The following MYO16 variants were observed in gnomAD, a reference collection of about 807,000 sequenced individuals.
MYO16 encodes unconventional myosin-XVI.
A neutral mutation model predicts 205.3 loss-of-function variants in MYO16; 94 were observed. That is an observed-to-expected ratio of 0.46 (90% confidence interval 0.39 to 0.54). MYO16 has a LOEUF of 0.54. MYO16 is among the 20% of genes least tolerant of loss of function. The pLI, the probability that MYO16 is intolerant of heterozygous loss-of-function variation, is 0.00. For synonymous variants in MYO16, 988 were observed against 954.0 expected (o/e 1.04, Z -0.66); for missense variants, 2,315 against 2,387.5 (o/e 0.97, Z 0.63).
chr13:108,661,999 C>A (rs570766554), intron 1 of MYO16, among the ~76,000 whole-genome samples: 8 of 152,292 alleles, frequency 5.3e-5, no homozygotes, highest in African/African-American at 1.9e-4. Flanking sequence ...GTACTCTCCC[C>A]ATTTTCCTAT....
rs922640184 is a variant in MYO16 at position 108,892,466 on chromosome 13, C to T, written c.1659+3989C>T. On this transcript the variant is annotated intron_variant, in intron 14 of 34. Transcript: ENST00000457511. ...ATGTTGGCCAGGCTGGTCTTGAACT[C>T]CTGACCTCAAGTGATCTACCCACCT... 7.2e-5 allele frequency among the ~76,000 whole-genome samples: 11 copies of T among 152,140 alleles called. No individual in the cohort carries two copies. In the East Asian group the frequency reaches 2.1e-3, roughly 29 times the overall value.
chr13:108,844,077 A>G (rs1463149444), intron 9 of MYO16, among the ~76,000 whole-genome samples: 2 of 152,194 alleles, frequency 1.3e-5, no homozygotes, highest in Non-Finnish European at 2.9e-5. Flanking sequence ...TTCATCTATT[A>G]TAGTCAGATA....
intron 27 of MYO16, among the ~76,000 whole-genome samples, chr13:109,068,609 A>G (rs1451396221): frequency 4.0e-5 from 3 of 75,108 alleles, no homozygotes; most frequent in Admixed American, 1.6e-4. Flanking sequence ...TTTTTTTTTG[A>G]GGTGGAGTTT....
the MYO16 span, among the ~76,000 whole-genome samples, chr13:108,571,115 A>G: frequency 1.8e-3 from 280 of 152,338 alleles, no homozygotes; most frequent in African/African-American, 6.6e-3. Context: ...GAAGTCAAGC[A>G]GTTTGTTCTG....
intron 6 of MYO16, among the ~76,000 whole-genome samples, chr13:108,794,992 A>C (rs1886740531): frequency 6.6e-6 from 1 of 152,122 alleles, no homozygotes; most frequent in African/African-American, 2.4e-5. Context: ...TACATTTATT[A>C]AATTTTTGCA....
At chr13:108,574,482 T>C in the MYO16 span, among the ~76,000 whole-genome samples, 16 of 152,314 alleles carry the variant, frequency 1.1e-4, no homozygotes, top group Non-Finnish European at 2.4e-4. Context: ...TAGAACCCAT[T>C]AAACATGCTC....
rs1298856580 is a variant in MYO16 at position 109,206,992 on chromosome 13, GTGTGTGTGTGTGTT to G, written c.*170_*183del. 6.6e-5 allele frequency: 39 copies of G among 592,586 alleles called. No homozygotes were observed. Among genetic ancestry groups the G allele is most frequent in the Middle Eastern group, 4.4e-4 (1 of 2,284 alleles). The allele number at this position is 592,586 out of a possible 1,614,324, so 36.7% of individuals were successfully genotyped here. A position where few individuals can be genotyped will look rare whatever the true frequency, so the allele number is the denominator to read the frequency against. On this transcript the variant is annotated 3_prime_UTR_variant, in exon 35 of 35. Coordinates refer to ENST00000457511, the MANE Select transcript of MYO16 (RefSeq NM_001198950.3). ...ACACTAAATATATGAGATCCCGTGT[GTGTGTGTGTGTGTT>G]TGTGTGTGTGTGTGTGGGTTCTTTC...
chr13:108,641,815 G>C (rs564972580), intron 1 of MYO16, among the ~76,000 whole-genome samples: 1 of 152,186 alleles, frequency 6.6e-6, no homozygotes, highest in Non-Finnish European at 1.5e-5. Flanking sequence ...GATACCTAAA[G>C]CACATCACCT....
intron 20 of MYO16, among the ~76,000 whole-genome samples, chr13:108,980,502 G>A (rs373106360): frequency 3.3e-5 from 5 of 152,216 alleles, no homozygotes; most frequent in East Asian, 1.9e-4. Context: ...CTGCAGTGCC[G>A]TACAGAAAGG....
rs1876180718 is a variant in MYO16 at position 109,125,090 on chromosome 13, A to G, written c.3536-22A>G. On this transcript the variant is annotated intron_variant, in intron 29 of 34. Transcript: ENST00000457511. This position sits in a 1 kb window ranked among gnomAD's most constrained non-coding sequence, Gnocchi z 4.0. The stretch of plus-strand genomic sequence containing the variant: ...TTTTTCACTTTTCCTCCATTTACTA[A>G]CCCATGATCCTTCTATAAAAGTTAT... 1 of 1,607,008 alleles carries G rather than the reference A, an allele frequency of 6.2e-7. No individual in the cohort carries two copies.
intron 20 of MYO16, among the ~76,000 whole-genome samples, chr13:108,968,293 CTTAA>C (rs1435057052): frequency 6.6e-6 from 1 of 152,070 alleles, no homozygotes; most frequent in African/African-American, 2.4e-5. Context: ...ATCTCTGATT[CTTAA>C]TTGATTGAGG....
chr13:108,738,698 C>A (rs540886408), intron 4 of MYO16, among the ~76,000 whole-genome samples: 1 of 152,076 alleles, frequency 6.6e-6, no homozygotes, highest in Admixed American at 6.5e-5. Context: ...TCCTTGTTAA[C>A]TTTCTGTCTC....
At chr13:108,913,689 C>T (rs868526593) in intron 16 of MYO16, among the ~76,000 whole-genome samples, 30 of 152,282 alleles carry the variant, frequency 2.0e-4, no homozygotes, top group Middle Eastern at 6.8e-3. Flanking sequence ...TATGTTAAAG[C>T]AAACTAAATA....
chr13:108,537,244 A>G, the MYO16 span, among the ~76,000 whole-genome samples: 1 of 152,032 alleles, frequency 6.6e-6, no homozygotes, highest in African/African-American at 2.4e-5. Context: ...AGTGAAAACA[A>G]GTGGTATTTG....
chr13:109,031,058 A>G (rs1384894740), intron 23 of MYO16, among the ~76,000 whole-genome samples: 1 of 152,142 alleles, frequency 6.6e-6, no homozygotes, highest in East Asian at 1.9e-4. Flanking sequence ...AGTACTAATT[A>G]TCATTAAAGA....
intron 2 of MYO16, among the ~76,000 whole-genome samples, chr13:108,671,099 C>G (rs1356199772): frequency 6.6e-6 from 1 of 152,088 alleles, no homozygotes; most frequent in Non-Finnish European, 1.5e-5. Flanking sequence ...ACATGATTAA[C>G]TTTTAGTTGT....
At chr13:109,089,700 T>G (rs1427371685) in intron 27 of MYO16, among the ~76,000 whole-genome samples, 1 of 152,248 alleles carries the variant, frequency 6.6e-6, no homozygotes, top group Non-Finnish European at 1.5e-5. Flanking sequence ...ATAAACTGAC[T>G]GTCTTATGAC....
the MYO16 span, among the ~76,000 whole-genome samples, chr13:108,522,393 C>A: frequency 6.6e-6 from 1 of 152,032 alleles, no homozygotes; most frequent in Non-Finnish European, 1.5e-5. Context: ...TGTATTTCAG[C>A]GAAGAGTCCA....
intron 8 of MYO16, among the ~76,000 whole-genome samples, chr13:108,822,641 AGGG>A (rs1876040387): frequency 6.6e-6 from 1 of 152,144 alleles, no homozygotes; most frequent in Non-Finnish European, 1.5e-5. Context: ...TTATGGCTAG[AGGG>A]CAGACCCCTT....
Sources: allele counts gnomAD v4.1 joint callset (sites outside exome capture counted in the v4.1 genomes callset), GRCh38; gene constraint gnomAD v4.1.1; non-coding constraint Gnocchi (gnomAD v3.1); transcripts MANE v1.5; gene names NCBI Gene and HGNC (gene_info 2026-07-23, HGNC 2026-07-21).